EPHA5: variants seen among roughly 807,000 people sequenced by gnomAD.
EPHA5 encodes the protein ephrin type-A receptor 5.
A neutral mutation model predicts 105.0 loss-of-function variants in EPHA5; 60 were observed. That is an observed-to-expected ratio of 0.57 (90% confidence interval 0.46 to 0.71). The LOEUF (loss-of-function observed/expected upper bound fraction) is 0.71. EPHA5 is among the 30% of genes least tolerant of loss of function. EPHA5 has a pLI of 0.00. For missense variants in EPHA5, 1,218 were observed against 1,274.7 expected, an observed-to-expected ratio of 0.96 and a Z score of 0.68; for synonymous variants, 513 against 449.1, an observed-to-expected ratio of 1.14 and a Z score of -1.80.
At chr4:65,423,999 CTAAT>C (rs1290521273) in intron 5 of EPHA5, among the ~76,000 whole-genome samples, 1 of 151,978 alleles carries the variant, frequency 6.6e-6, no homozygotes, top group East Asian at 1.9e-4. Context: ...GTTGCGAACT[CTAAT>C]TATTACATAA....
chr4:65,524,354 C>T (rs1451747831), intron 3 of EPHA5, among the ~76,000 whole-genome samples: 1 of 151,878 alleles, frequency 6.6e-6, no homozygotes, highest in East Asian at 1.9e-4. Flanking sequence ...CCAAATTGTT[C>T]ATATAATATC....
intron 1 of EPHA5, among the ~76,000 whole-genome samples, chr4:65,665,251 T>C (rs1345334108): frequency 6.6e-6 from 1 of 151,900 alleles, no homozygotes; most frequent in African/African-American, 2.4e-5. Context: ...AGAAACTAAT[T>C]GCCATTCAAG....
intron 5 of EPHA5, among the ~76,000 whole-genome samples, chr4:65,467,560 G>T (rs1728839539): frequency 6.6e-6 from 1 of 152,164 alleles, no homozygotes; most frequent in Admixed American, 6.6e-5. Flanking sequence ...ACCATAAGGA[G>T]AAAAATTCAG....
chr4:65,434,953 T>A (rs1429927427), intron 5 of EPHA5, among the ~76,000 whole-genome samples: 3 of 152,170 alleles, frequency 2.0e-5, no homozygotes, highest in African/African-American at 7.2e-5. Context: ...TAAGATATAG[T>A]GATTAAAATC....
intron 2 of EPHA5, among the ~76,000 whole-genome samples, chr4:65,612,269 A>G (rs1744849594): frequency 6.6e-6 from 1 of 152,134 alleles, no homozygotes; most frequent in South Asian, 2.1e-4. Context: ...GTAATTTCTT[A>G]ATGTTAATGG....
At chr4:65,413,311 GA>G (rs1239283173) in intron 7 of EPHA5, among the ~76,000 whole-genome samples, 1 of 151,656 alleles carries the variant, frequency 6.6e-6, no homozygotes, top group African/African-American at 2.4e-5. Context: ...AAAATTCAGT[GA>G]AACAACATTT....
chr4:65,335,231 C>A (rs1325497328), intron 15 of EPHA5, among the ~76,000 whole-genome samples: 2 of 152,030 alleles, frequency 1.3e-5, no homozygotes, highest in South Asian at 4.1e-4. Context: ...AGTGCAGAAT[C>A]AAACTGATTT....
At chr4:65,465,252 T>C (rs1419787586) in intron 5 of EPHA5, among the ~76,000 whole-genome samples, 3 of 151,566 alleles carry the variant, frequency 2.0e-5, no homozygotes, top group South Asian at 2.1e-4. Flanking sequence ...CCTGGTCAAA[T>C]AGTGAAACCC....
At chr4:65,574,689 CATATATAT>C (rs869208777) in intron 3 of EPHA5, among the ~76,000 whole-genome samples, 6 of 82,932 alleles carry the variant, frequency 7.2e-5, no homozygotes, top group East Asian at 6.7e-4. Context: ...CATATATATA[CATATATAT>C]ACATATATAT....
intron 3 of EPHA5, among the ~76,000 whole-genome samples, chr4:65,576,025 AGAAAG>A (rs796278379): frequency 1.8e-5 from 2 of 112,558 alleles, no homozygotes; most frequent in East Asian, 2.6e-4. Flanking sequence ...AAAGAAAGAA[AGAAAG>A]AAAGAAAGAA....
intron 3 of EPHA5, among the ~76,000 whole-genome samples, chr4:65,574,721 C>CATATAT (rs1213463466): frequency 1.4e-5 from 1 of 69,442 alleles, no homozygotes; most frequent in African/African-American, 4.8e-5. Context: ...TATATATATA[C>CATATAT]ATATATATAC....
chr4:65,483,413 T>C (rs890651561), intron 5 of EPHA5, among the ~76,000 whole-genome samples: 2 of 151,984 alleles, frequency 1.3e-5, no homozygotes, highest in South Asian at 2.1e-4. Flanking sequence ...ATTTCTAGTT[T>C]TAGATCCCTG....
intron 7 of EPHA5, among the ~76,000 whole-genome samples, chr4:65,406,744 C>T (rs1271765687): frequency 6.6e-6 from 1 of 151,932 alleles, no homozygotes; most frequent in Non-Finnish European, 1.5e-5. Flanking sequence ...ACTGTTTAGC[C>T]CTTTGTTTGG....
At chr4:65,468,549 AAT>A (rs1283852144) in intron 5 of EPHA5, among the ~76,000 whole-genome samples, 10 of 101,520 alleles carry the variant, frequency 9.9e-5, no homozygotes, top group African/African-American at 3.6e-4. Flanking sequence ...ATATATATAT[AAT>A]ATATATATTA....
At chr4:65,489,914 A>T (rs1213643955) in intron 5 of EPHA5, among the ~76,000 whole-genome samples, 1 of 152,202 alleles carries the variant, frequency 6.6e-6, no homozygotes. Flanking sequence ...TAGTTGAAAA[A>T]ATATGAAAAG....
chr4:65,413,767 A>T (rs771787953), intron 7 of EPHA5, among the ~76,000 whole-genome samples: 21 of 152,154 alleles, frequency 1.4e-4, no homozygotes, highest in Non-Finnish European at 2.8e-4. Flanking sequence ...TAGAGAAAAA[A>T]GTGATTCAAA....
At chr4:65,363,323 A>AAG (rs1279912098) in intron 11 of EPHA5, among the ~76,000 whole-genome samples, 10 of 151,722 alleles carry the variant, frequency 6.6e-5, no homozygotes, top group African/African-American at 2.4e-4. Context: ...CTCACCCCAT[A>AAG]GCATTAATGT....
intron 3 of EPHA5, among the ~76,000 whole-genome samples, chr4:65,584,412 C>A (rs558151597): frequency 6.6e-6 from 1 of 151,764 alleles, no homozygotes. Context: ...TTCCAAAATT[C>A]TCTTGCACGA....
intron 5 of EPHA5, among the ~76,000 whole-genome samples, chr4:65,442,018 T>C (rs75962565): frequency 2.8e-3 from 427 of 152,248 alleles, no homozygotes; most frequent in African/African-American, 9.8e-3. Flanking sequence ...GATGCTATTA[T>C]TACCCTATTT....
Sources: allele counts gnomAD v4.1 joint callset (sites outside exome capture counted in the v4.1 genomes callset), GRCh38; gene constraint gnomAD v4.1.1; transcripts MANE v1.5; gene names NCBI Gene and HGNC (gene_info 2026-07-23, HGNC 2026-07-21).